DKK2: variants seen among roughly 807,000 people sequenced by gnomAD.
DKK2 encodes the protein dickkopf Wnt signaling pathway inhibitor 2.
A neutral mutation model predicts 28.1 loss-of-function variants in DKK2; 11 were observed. The ratio of observed to expected loss-of-function variants is 0.39; its 90% confidence interval spans 0.25 to 0.65. The LOEUF (loss-of-function observed/expected upper bound fraction) is 0.65. Among genes scored for constraint, DKK2 ranks in the 30% least tolerant of loss-of-function variants. The pLI is 0.47. For synonymous variants in DKK2, 135 were observed against 126.5 expected, an observed-to-expected ratio of 1.07 and a Z score of -0.45; for missense variants, 326 against 335.5, an observed-to-expected ratio of 0.97 and a Z score of 0.22.
At chr4:107,014,789 A>G (rs1011795694) in intron 1 of DKK2, among the ~76,000 whole-genome samples, 1 of 151,392 alleles carries the variant, frequency 6.6e-6, no homozygotes, top group African/African-American at 2.4e-5. Context: ...CAATTAGTCA[A>G]TTATAAACAA....
At chr4:107,014,965 T>C (rs1395549072) in intron 1 of DKK2, among the ~76,000 whole-genome samples, 4 of 151,606 alleles carry the variant, frequency 2.6e-5, no homozygotes, top group Non-Finnish European at 5.9e-5. Context: ...AATTTATATA[T>C]ACATTATCTT....
chr4:106,941,378 T>G (rs1001989738), intron 1 of DKK2, among the ~76,000 whole-genome samples: 9 of 152,154 alleles, frequency 5.9e-5, no homozygotes, highest in Non-Finnish European at 1.0e-4. Context: ...TGCTTGTCCA[T>G]TAGTAAGAGA....
chr4:106,928,395 A>G (rs1461106334), intron 1 of DKK2, among the ~76,000 whole-genome samples: 1 of 152,198 alleles, frequency 6.6e-6, no homozygotes, highest in Non-Finnish European at 1.5e-5. Context: ...GGTTATGTAT[A>G]TTGGGAACTT....
At chr4:106,928,163 GATGAC>G (rs1164859979) in intron 1 of DKK2, among the ~76,000 whole-genome samples, 3 of 152,084 alleles carry the variant, frequency 2.0e-5, no homozygotes, top group African/African-American at 7.2e-5. Context: ...ATCTGATGCA[GATGAC>G]ATTAAAAAAA....
intron 1 of DKK2, among the ~76,000 whole-genome samples, chr4:106,986,432 T>G (rs1723121723): frequency 6.6e-6 from 1 of 152,214 alleles, no homozygotes; most frequent in Non-Finnish European, 1.5e-5. Flanking sequence ...GTTAAAAAGA[T>G]ATACAGAGTT....
chr4:106,956,511 G>T (rs999639388), intron 1 of DKK2, among the ~76,000 whole-genome samples: 2 of 152,252 alleles, frequency 1.3e-5, no homozygotes, highest in Non-Finnish European at 2.9e-5. Flanking sequence ...ATACTACAAG[G>T]CTACAGTAAC....
At chr4:106,928,853 T>G (rs1419327765) in intron 1 of DKK2, among the ~76,000 whole-genome samples, 1 of 152,226 alleles carries the variant, frequency 6.6e-6, no homozygotes, top group East Asian at 1.9e-4. Flanking sequence ...CAGTTGCCAG[T>G]TGCCATTGGC....
intron 1 of DKK2, among the ~76,000 whole-genome samples, chr4:107,009,162 G>A (rs1723480667): frequency 6.6e-6 from 1 of 151,524 alleles, no homozygotes; most frequent in Non-Finnish European, 1.5e-5. Flanking sequence ...CCTACTAAAG[G>A]ATCAGTTCAA....
At chr4:107,007,074 T>C (rs947131045) in intron 1 of DKK2, among the ~76,000 whole-genome samples, 20 of 151,870 alleles carry the variant, frequency 1.3e-4, no homozygotes, top group Admixed American at 2.6e-4. Flanking sequence ...ATGAATAAAA[T>C]AAATGGGTGC....
intron 1 of DKK2, among the ~76,000 whole-genome samples, chr4:107,004,465 C>A (rs1723408472): frequency 1.3e-5 from 2 of 152,172 alleles, no homozygotes; most frequent in African/African-American, 4.8e-5. Context: ...ATCTATCCTG[C>A]CATTATCCAT....
chr4:106,951,061 ATAAT>A (rs1304496254), intron 1 of DKK2, among the ~76,000 whole-genome samples: 1 of 152,032 alleles, frequency 6.6e-6, no homozygotes, highest in Non-Finnish European at 1.5e-5. Context: ...GCCTGTAAAT[ATAAT>A]TATTTATTTT....
chr4:106,985,961 A>G (rs2110360048), intron 1 of DKK2, among the ~76,000 whole-genome samples: 1 of 152,228 alleles, frequency 6.6e-6, no homozygotes, highest in East Asian at 1.9e-4. Flanking sequence ...GAGGAAGGCA[A>G]GAAATCTCAC....
At chr4:106,960,036 T>G (rs1326298533) in intron 1 of DKK2, among the ~76,000 whole-genome samples, 1 of 151,640 alleles carries the variant, frequency 6.6e-6, no homozygotes, top group Non-Finnish European at 1.5e-5. Context: ...ATTATATTTT[T>G]TATTGAAGCG....
At position 107,036,287 on chromosome 4, in the gene DKK2, C is replaced by G. The variant is rs1723967617; in HGVS notation, c.-696G>C. On this transcript the variant is annotated 5_prime_UTR_variant, in exon 1 of 4. Transcript: ENST00000285311. ...GAGCGGACTTGCGCTACGCTCGCCGCGGGCTCCCGCTTTCTCTCTCTCTGC... is the reference window on the plus strand; with the variant it reads ...GAGCGGACTTGCGCTACGCTCGCCGGGGGCTCCCGCTTTCTCTCTCTCTGC... The G allele has an allele frequency of 1.3e-5, 2 of 151,926 alleles. No individual in the cohort carries two copies. Among genetic ancestry groups the G allele is most frequent in the South Asian group, 2.1e-4 (1 of 4,822 alleles). 9.4% of individuals were successfully genotyped at this position (151,926 alleles called of 1,614,324 possible).
At chr4:107,035,268 G>C in intron 1 of DKK2, 102 bp downstream of exon 1, 1 of 1,363,378 alleles carries the variant, frequency 7.3e-7, no homozygotes, top group African/African-American at 1.4e-5. Flanking sequence ...CTGTATCTGG[G>C]GCCACGCTCC....
chr4:106,936,482 A>G (rs1724590426), intron 1 of DKK2, among the ~76,000 whole-genome samples: 1 of 152,232 alleles, frequency 6.6e-6, no homozygotes, highest in Non-Finnish European at 1.5e-5. Flanking sequence ...GACCAAATCT[A>G]CATCTCACTG....
chr4:107,027,756 A>ATTTTTTTTTT lies in DKK2; in HGVS notation c.222+7604_222+7613dup, dbSNP rs71590176. Among the ~76,000 whole-genome samples the ATTTTTTTTTT allele has an allele frequency of 5.4e-4, 73 of 135,318 alleles. 3 individuals carry two copies. Among genetic ancestry groups the ATTTTTTTTTT allele is most frequent in the South Asian group, 9.6e-4 (4 of 4,172 alleles). The allele number at this position is 135,318 out of a possible 152,430, so 88.8% of individuals were successfully genotyped here. The stretch of plus-strand genomic sequence containing the variant: ...TTGCTTATGACCTCCACCTATTATG[A>ATTTTTTTTTT]TTTTTTTTTTTTTGAGACAGAGTCT... On this transcript the variant is annotated intron_variant, in intron 1 of 3. Transcript: ENST00000285311.
chr4:107,021,481 T>C (rs1723690056), intron 1 of DKK2, among the ~76,000 whole-genome samples: 1 of 152,124 alleles, frequency 6.6e-6, no homozygotes, highest in South Asian at 2.1e-4. Flanking sequence ...ATATTTTAAA[T>C]GTGCGTCTTT....
At chr4:107,007,665 G>T (rs78829346) in intron 1 of DKK2, among the ~76,000 whole-genome samples, 2,939 of 152,190 alleles carry the variant, frequency 0.019, 41 homozygotes, top group Middle Eastern at 0.037. Context: ...ATCCTGAAGT[G>T]CAGTGGATAT....
Sources: gnomAD v4.1 joint callset for allele counts (sites outside exome capture counted in the v4.1 genomes callset) on GRCh38, gnomAD v4.1.1 for gene constraint, MANE v1.5 for transcripts, NCBI Gene and HGNC (gene_info 2026-07-23, HGNC 2026-07-21) for gene names.